GDNF: variants seen among roughly 807,000 people sequenced by gnomAD.
GDNF encodes the protein glial cell derived neurotrophic factor.
In GDNF, 5 loss-of-function variants were observed where a neutral mutation model predicts 13.7. The ratio of observed to expected loss-of-function variants is 0.36; its 90% CI spans 0.19 to 0.77. GDNF has a LOEUF of 0.77. GDNF is among the 30% of genes least tolerant of loss of function. The pLI is 0.51. For synonymous variants in GDNF, 122 were observed against 112.5 expected, an observed-to-expected ratio of 1.08 and a Z score of -0.53; for missense variants, 246 against 274.3, an observed-to-expected ratio of 0.90 and a Z score of 0.73.
intron 2 of GDNF, among the ~76,000 whole-genome samples, chr5:37,828,219 C>T (rs1750396688): frequency 6.6e-6 from 1 of 152,186 alleles, no homozygotes; most frequent in African/African-American, 2.4e-5. Flanking sequence ...TCCCACAAGG[C>T]CTCCCGAATG....
intron 2 of GDNF, among the ~76,000 whole-genome samples, chr5:37,831,911 G>T (rs985891991): frequency 7.9e-5 from 12 of 152,356 alleles, no homozygotes; most frequent in Non-Finnish European, 1.0e-4. Flanking sequence ...ACAAGTCCTT[G>T]AGTTTAGACA....
At chr5:37,819,914 T>C (rs1750070025) in intron 2 of GDNF, among the ~76,000 whole-genome samples, 1 of 152,214 alleles carries the variant, frequency 6.6e-6, no homozygotes, top group Admixed American at 6.5e-5. Flanking sequence ...ATTGGTGATT[T>C]CTTTCAATAA....
intron 2 of GDNF, among the ~76,000 whole-genome samples, chr5:37,827,935 T>C (rs1379475566): frequency 6.6e-6 from 1 of 152,240 alleles, no homozygotes; most frequent in African/African-American, 2.4e-5. Flanking sequence ...TTTTTCAACA[T>C]TCTTATTTGC....
chr5:37,815,317 T>C lies in GDNF; in HGVS notation c.*334A>G. ...CCGCAACCGCGCCGGTAATCAGTGATGGTGGACTGTATCAGCTGAAATGGT... is the reference window on the plus strand; with the variant it reads ...CCGCAACCGCGCCGGTAATCAGTGACGGTGGACTGTATCAGCTGAAATGGT... On this transcript the variant is annotated 3_prime_UTR_variant, in exon 3 of 3. Transcript: ENST00000326524. The surrounding 1 kb of genome is among the most constrained non-coding windows in gnomAD (Gnocchi z 5.0). 1 of 405,834 alleles carries C rather than the reference T, an allele frequency of 2.5e-6. No homozygotes were observed. The highest frequency in any genetic ancestry group is 4.6e-6 in the Non-Finnish European group (1 of 217,760). 25.1% of individuals were successfully genotyped at this position (405,834 alleles called of 1,614,324 possible). A position where few individuals can be genotyped will look rare whatever the true frequency, so the allele number is the denominator to read the frequency against.
chr5:37,831,211 C>T (rs1453362558), intron 2 of GDNF, among the ~76,000 whole-genome samples: 2 of 152,172 alleles, frequency 1.3e-5, no homozygotes, highest in Non-Finnish European at 2.9e-5. Flanking sequence ...ACAAAAAATT[C>T]AGCCCACCTT....
intron 1 of GDNF, among the ~76,000 whole-genome samples, chr5:37,836,710 G>C (rs1028979636): frequency 6.6e-6 from 1 of 152,210 alleles, no homozygotes; most frequent in Non-Finnish European, 1.5e-5. Flanking sequence ...AATGGCTGGC[G>C]GTCCGACCGG....
In GDNF at chr5:37,838,587, C is replaced by T. The variant is rs150893639; in HGVS notation, c.-27+920G>A. On this transcript the variant is annotated intron_variant, in intron 1 of 2. Transcript: ENST00000326524. This position sits in a 1 kb window ranked among gnomAD's most constrained non-coding sequence, Gnocchi z 4.1. ...GGGGCGCGCACATGGGTCCTGGCGG[C>T]GGATTCTACCAAAGCCGAAACTAGC... 2.8e-3 allele frequency among the ~76,000 whole-genome samples: 431 copies of T among 152,304 alleles called. 2 individuals carry two copies. Among genetic ancestry groups the T allele is most frequent in the African/African-American group, 9.7e-3 (404 of 41,574 alleles).
intron 2 of GDNF, among the ~76,000 whole-genome samples, chr5:37,833,774 T>G (rs1750604313): frequency 6.6e-6 from 1 of 152,210 alleles, no homozygotes; most frequent in South Asian, 2.1e-4. Flanking sequence ...TATTGCTATC[T>G]TTGTTGACAT....
At chr5:37,832,666 A>G (rs1750563716) in intron 2 of GDNF, among the ~76,000 whole-genome samples, 1 of 152,206 alleles carries the variant, frequency 6.6e-6, no homozygotes, top group Admixed American at 6.5e-5. Context: ...TGTCCCTGCA[A>G]TCTGTGTTAA....
chr5:37,824,548 A>G (rs1178581195), intron 2 of GDNF: 1 of 152,220 alleles, frequency 6.6e-6, no homozygotes, highest in Non-Finnish European at 1.5e-5. Flanking sequence ...AGAATGTTCT[A>G]GTTCTCTGAA....
At position 37,834,705 on chromosome 5, in the gene GDNF, G is replaced by C; in HGVS notation, c.92C>G (p.Ala31Gly). ...GCCGAGGGAGCGGTCTTCGGCGGGC[G>C]CCTCGGGAGGCCTCTTACCGGCGGG... is the stretch of plus-strand genomic sequence containing the variant. ...PLPAGKRPPE[A>G]PAEDRSLGRR... The change falls in exon 2 of 3, where the codon GCG becomes GGG. Residue 31 changes from alanine (A) to glycine (G), a missense_variant. Ala to Gly is a moderately conservative substitution (Grantham distance 60, BLOSUM62 0). Coordinates refer to ENST00000326524, the MANE Select transcript of GDNF (RefSeq NM_000514.4). The C allele has an allele frequency of 3.1e-6, 5 of 1,610,216 alleles. No homozygotes were observed. The highest frequency in any genetic ancestry group is 4.2e-6 in the Non-Finnish European group (5 of 1,178,584).
intron 2 of GDNF, among the ~76,000 whole-genome samples, chr5:37,833,371 CAG>C (rs1750588214): frequency 1.3e-5 from 2 of 152,188 alleles, no homozygotes; most frequent in Admixed American, 1.3e-4. Flanking sequence ...AGTTAATTGA[CAG>C]ACACTCTTGG....
At chr5:37,827,725 T>C (rs1750377405) in intron 2 of GDNF, among the ~76,000 whole-genome samples, 1 of 152,242 alleles carries the variant, frequency 6.6e-6, no homozygotes, top group Non-Finnish European at 1.5e-5. Flanking sequence ...AGACCTTTTC[T>C]GACCAAAAAG....
intron 2 of GDNF, among the ~76,000 whole-genome samples, chr5:37,829,412 A>T (rs1750439026): frequency 6.6e-6 from 1 of 152,146 alleles, no homozygotes; most frequent in Non-Finnish European, 1.5e-5. Flanking sequence ...TAAACCCTAC[A>T]CAATAGACAT....
intron 2 of GDNF, among the ~76,000 whole-genome samples, chr5:37,825,367 C>T (rs1750273525): frequency 6.6e-6 from 1 of 152,142 alleles, no homozygotes; most frequent in African/African-American, 2.4e-5. Context: ...ACAGCACAGT[C>T]CCCCTGGGTG....
At position 37,813,560 on chromosome 5, in the gene GDNF, C is replaced by CTTTT. The variant is rs71604877; in HGVS notation, c.*2087_*2090dup. 0.023 allele frequency: 2,039 copies of CTTTT among 86,934 alleles called. 111 individuals carry two copies. Among genetic ancestry groups the CTTTT allele is most frequent in the South Asian group, 0.061 (141 of 2,316 alleles). 5.4% of individuals were successfully genotyped at this position (86,934 alleles called of 1,614,324 possible). A position where few individuals can be genotyped will look rare whatever the true frequency, so the allele number is the denominator to read the frequency against. ...CCTATGCTTCCTCCTGCTCCAACCTCTTTTTTTTTTTTTTTTTTTTTTTGA... is the reference window on the plus strand; with the variant it reads ...CCTATGCTTCCTCCTGCTCCAACCTCTTTTTTTTTTTTTTTTTTTTTTTTTTTGA... On this transcript the variant is annotated 3_prime_UTR_variant, in exon 3 of 3. Coordinates refer to ENST00000326524, the MANE Select transcript of GDNF (RefSeq NM_000514.4).
At chr5:37,836,501 CA>C (rs1750712569) in intron 1 of GDNF, among the ~76,000 whole-genome samples, 1 of 152,214 alleles carries the variant, frequency 6.6e-6, no homozygotes, top group Non-Finnish European at 1.5e-5. Context: ...TGACCTGCAG[CA>C]CCGAGCGCCT....
rs1489255219 is a variant in GDNF at position 37,815,980 on chromosome 5, A to G, written c.307T>C (p.Ser103Pro). Residue 103 changes from serine to proline, a missense_variant, in exon 3 of 3, where the codon TCC becomes CCC. Transcript: ENST00000326524. This position sits in a 1 kb window ranked among gnomAD's most constrained non-coding sequence, Gnocchi z 5.0. Reference protein sequence around the residue: ...RQAAAANPENSRGKGRRGQRG... With the variant: ...RQAAAANPENPRGKGRRGQRG... ...TGGCCTCTCCGACCTTTTCCTCTGG[A>G]ATTCTCTGGGTTGGCAGCTGCAGCC... 6.2e-7 allele frequency: 1 copy of G among 1,613,870 alleles called. No individual in the cohort carries two copies. Among genetic ancestry groups the G allele is most frequent in the Non-Finnish European group, 8.5e-7 (1 of 1,179,958 alleles).
intron 2 of GDNF, among the ~76,000 whole-genome samples, chr5:37,818,111 T>C (rs1382419840): frequency 1.3e-5 from 2 of 152,196 alleles, no homozygotes; most frequent in Admixed American, 6.5e-5. Context: ...TCAGCACCAC[T>C]GACCTTTTCG....
Sources: gnomAD v4.1 joint callset for allele counts (sites outside exome capture counted in the v4.1 genomes callset) on GRCh38, gnomAD v4.1.1 for gene constraint, Gnocchi (gnomAD v3.1) non-coding constraint, MANE v1.5 for transcripts, NCBI Gene and HGNC (gene_info 2026-07-23, HGNC 2026-07-21) for gene names.